Variants in HLA-G observed in about 807,000 individuals in gnomAD.
HLA-G encodes the protein HLA class I histocompatibility antigen, alpha chain G.
In HLA-G, 34 loss-of-function variants were observed where a neutral mutation model predicts 39.3. The observed-to-expected ratio is 0.86, with a 90% CI of 0.66 to 1.15. The LOEUF (loss-of-function observed/expected upper bound fraction) is 1.15. Among genes scored for constraint, HLA-G ranks in the 50% most tolerant of loss-of-function variants. The pLI, the probability that HLA-G is intolerant of heterozygous loss-of-function variation, is 0.00. For missense variants in HLA-G, 419 were observed against 456.4 expected (o/e 0.92, Z 0.75); for synonymous variants, 183 against 185.8 (o/e 0.99, Z 0.12).
In HLA-G at chr6:29,829,922, G is replaced by A. The variant is rs766696298; in HGVS notation, c.1002G>A (p.Lys334=). Residue 334 remains lysine, a synonymous_variant, in exon 5 of 7, where the codon AAG becomes AAA. Transcript: ENST00000360323. ...CGGTCGCTGCTGTGCTGTGGAGAAAGAAGAGCTCAGGTAAGGAAGGGGTGA... is the reference window on the plus strand; with the variant it reads ...CGGTCGCTGCTGTGCTGTGGAGAAAAAAGAGCTCAGGTAAGGAAGGGGTGA... ...GAAVAAVLWR[K]KSSD is the part of the protein sequence containing the mutation. 1.2e-6 allele frequency: 2 copies of A among 1,610,288 alleles called. No homozygotes were observed. Among genetic ancestry groups the A allele is most frequent in the African/African-American group, 2.7e-5 (2 of 74,712 alleles).
chr6:29,830,526 C>G (rs1325552563), intron 6 of HLA-G, 116 bp downstream of exon 6: 8 of 939,624 alleles, frequency 8.5e-6, no homozygotes, highest in Non-Finnish European at 1.4e-5. Context: ...TGGTCTCTGA[C>G]CAGGTGCTGT....
In HLA-G at chr6:29,829,420, C is replaced by A. The variant is rs753402473; in HGVS notation, c.622C>A (p.Pro208Thr). 3.7e-6 allele frequency: 6 copies of A among 1,612,574 alleles called. No homozygotes were observed. Among genetic ancestry groups the A allele is most frequent in the South Asian group, 2.2e-5 (2 of 91,034 alleles). The change falls in exon 4 of 7, where the codon CCC (proline) becomes ACC (threonine). Residue 208 changes from proline to threonine, a missense_variant and splice_region_variant. By Grantham distance (38) the Pro-to-Thr change is conservative. This residue lies in a region of HLA-G where 328 missense variants were observed against 323.0 expected (regional missense o/e 1.02). Coordinates refer to ENST00000360323, the MANE Select transcript of HLA-G (RefSeq NM_001384290.1). ...NGKEMLQRAD[P>T]PKTHVTHHPV... ...AATTTTCTGACTCTTCCTTTCAGAC[C>A]CCCCCAAGACACACGTGACCCACCA...
chr6:29,828,963 A>G, intron 3 of HLA-G, 145 bp downstream of exon 3: 6 of 1,103,304 alleles, frequency 5.4e-6, no homozygotes, highest in East Asian at 2.5e-5. Flanking sequence ...GGGTTTCCAG[A>G]TCCTGTACCA....
intron 6 of HLA-G, 127 bp downstream of exon 6, chr6:29,830,537 T>C: frequency 1.1e-6 from 1 of 894,068 alleles, no homozygotes; most frequent in Non-Finnish European, 1.9e-6. Flanking sequence ...CAGGTGCTGT[T>C]TTTGTTCTAC....
In HLA-G at chr6:29,830,778, C is replaced by T; in HGVS notation, c.*39C>T. On this transcript the variant is annotated 3_prime_UTR_variant, in exon 7 of 7. Transcript: ENST00000360323. ...AATATTTTTCTGTAGTGTGAAACAG[C>T]TGCCCTGTGTGGGACTGAGTGGCAA... 2.0e-6 allele frequency: 1 copy of T among 488,994 alleles called. No individual in the cohort carries two copies. The highest frequency in any genetic ancestry group is 4.1e-6 in the Non-Finnish European group (1 of 243,274). The allele number at this position is 488,994 out of a possible 1,614,324, so 30.3% of individuals were successfully genotyped here. A position where few individuals can be genotyped will look rare whatever the true frequency, so the allele number is the denominator to read the frequency against.
rs1445423509 is a variant in HLA-G, at chr6:29,828,751, G to A, written c.552G>A (p.Leu184=). Residue 184 remains leucine (L), a synonymous_variant, in exon 3 of 7, where the codon CTG becomes CTA. Coordinates refer to ENST00000360323, the MANE Select transcript of HLA-G (RefSeq NM_001384290.1). The part of the protein sequence containing the change: ...ANVAEQRRAY[L]EGTCVEWLHR... ...TGGCTGAACAAAGGAGAGCCTACCT[G>A]GAGGGCACGTGCGTGGAGTGGCTCC... is the stretch of plus-strand genomic sequence containing the variant. The A allele has an allele frequency of 3.1e-6, 5 of 1,613,918 alleles. No individual in the cohort carries two copies. The highest frequency in any genetic ancestry group is 4.2e-6 in the Non-Finnish European group (5 of 1,180,044).
chr6:29,827,441 A>G, upstream of HLA-G: 1 of 355,396 alleles, frequency 2.8e-6, no homozygotes, highest in Non-Finnish European at 5.5e-6. Context: ...CAGTTCAGGG[A>G]CAGGGATTCC....
intron 3 of HLA-G, 41 bp from the exon 4 acceptor site, chr6:29,829,377 A>C: frequency 1.0e-5 from 16 of 1,593,560 alleles, no homozygotes; most frequent in African/African-American, 1.3e-5. Context: ...GTGTCCCATG[A>C]GAGATGCAAA....
rs557839953 is a variant in HLA-G at position 29,828,081 on chromosome 6, G to A, written c.108G>A (p.Val36=). Residue 36 remains valine, a synonymous_variant, in exon 2 of 7, where the codon GTG becomes GTA. Coordinates refer to ENST00000360323, the MANE Select transcript of HLA-G (RefSeq NM_001384290.1). ...SHSMRYFSAA[V]SRPGRGEPRF... The stretch of plus-strand genomic sequence containing the variant: ...CCATGAGGTATTTCAGCGCCGCCGT[G>A]TCCCGGCCCGGCCGCGGGGAGCCCC... The A allele has an allele frequency of 1.2e-6, 2 of 1,612,082 alleles. No homozygotes were observed. The highest frequency in any genetic ancestry group is 1.7e-6 in the Non-Finnish European group (2 of 1,179,616).
At chr6:29,829,756 T>G in intron 4 of HLA-G, 60 bp from the exon 5 acceptor site, 1 of 1,603,802 alleles carries the variant, frequency 6.2e-7, no homozygotes, top group Non-Finnish European at 8.5e-7. Context: ...TGAAGACCTT[T>G]AACAGGGTCG....
chr6:29,829,766 G>A (rs533677430), intron 4 of HLA-G, 50 bp from the exon 5 acceptor site: 38 of 1,601,760 alleles, frequency 2.4e-5, no homozygotes, highest in Non-Finnish European at 3.0e-5. Flanking sequence ...TAACAGGGTC[G>A]GTGGTGAGGG....
In HLA-G at chr6:29,828,045, A is replaced by G. The variant is rs535773328; in HGVS notation, c.74-2A>G. 3.5e-4 allele frequency: 560 copies of G among 1,609,778 alleles called. 1 individual carries two copies. The highest frequency in any genetic ancestry group is 3.0e-3 in the Middle Eastern group (16 of 5,262). On this transcript the variant is annotated splice_acceptor_variant, in intron 1 of 6. Coordinates refer to ENST00000360323, the MANE Select transcript of HLA-G (RefSeq NM_001384290.1). LOFTEE classifies it high-confidence loss of function. ...CGGGTCTCAACCCCTCCTCGCCCCC[A>G]GGCTCCCACTCCATGAGGTATTTCA...
At chr6:29,830,720 C>A (rs1761206043) in intron 6 of HLA-G, 48 bp from the exon 7 acceptor site, 2 of 569,818 alleles carry the variant, frequency 3.5e-6, no homozygotes, top group South Asian at 1.5e-5. Context: ...TAAAGTGTCA[C>A]CCCTCACTGT....
intron 1 of HLA-G, 36 bp downstream of exon 1, chr6:29,827,953 CGGA>C: frequency 6.3e-7 from 1 of 1,594,200 alleles, no homozygotes; most frequent in Non-Finnish European, 8.5e-7. Context: ...AGCCCCTGCG[CGGA>C]GGAGGGAGGG....
At chr6:29,827,482 A>G, upstream of HLA-G, 1 of 366,616 alleles carries the variant, frequency 2.7e-6, no homozygotes, top group Non-Finnish European at 5.3e-6. Flanking sequence ...AGGGCCAGGG[A>G]CCTTGCCGAG....
upstream of HLA-G, chr6:29,826,823 A>G (rs2113845075): frequency 3.0e-6 from 1 of 331,540 alleles, no homozygotes; most frequent in Non-Finnish European, 6.1e-6. Context: ...AATACTAAGT[A>G]TTCCTAAAAA....
chr6:29,828,429 C>A, intron 2 of HLA-G, 113 bp downstream of exon 2: 1 of 1,547,994 alleles, frequency 6.5e-7, no homozygotes, highest in East Asian at 2.3e-5. Context: ...CCGCGGGACC[C>A]GCCCAGACCC....
upstream of HLA-G, chr6:29,827,648 G>A (rs1445263136): frequency 1.5e-6 from 1 of 657,404 alleles, no homozygotes; most frequent in Non-Finnish European, 2.8e-6. Flanking sequence ...GTATGGGTTG[G>A]GGAGGCCCCG....
chr6:29,829,157 G>A (rs114041958), intron 3 of HLA-G, among the ~76,000 whole-genome samples: 8,777 of 150,970 alleles, frequency 0.058, 357 homozygotes, highest in African/African-American at 0.11. Flanking sequence ...ATGTGTGTGG[G>A]GGTCTGACTC....
Sources: gnomAD v4.1 joint callset for allele counts (sites outside exome capture counted in the v4.1 genomes callset) on GRCh38, gnomAD v4.1.1 for gene constraint, gnomAD v4.1.1 regional missense constraint, MANE v1.5 for transcripts, NCBI Gene and HGNC (gene_info 2026-07-23, HGNC 2026-07-21) for gene names.